Variants in SLC38A11 observed in about 807,000 individuals in gnomAD.
The protein encoded by SLC38A11 is putative sodium-coupled neutral amino acid transporter 11.
A neutral mutation model predicts 49.4 loss-of-function variants in SLC38A11; 51 were observed. That is an observed-to-expected ratio of 1.03 (90% confidence interval 0.83 to 1.30). The LOEUF (loss-of-function observed/expected upper bound fraction) is 1.30. SLC38A11 is among the 50% of genes most tolerant of loss of function. The pLI is 0.00. For synonymous variants in SLC38A11, 203 were observed against 192.9 expected (o/e 1.05, Z -0.43); for missense variants, 574 against 556.2 (o/e 1.03, Z -0.32).
intron 2 of SLC38A11, chr2:164,953,019 A>G: frequency 2.3e-6 from 1 of 425,734 alleles, no homozygotes; most frequent in Non-Finnish European, 4.1e-6. Context: ...AGGTGACGGA[A>G]TAAGAATTAG....
At chr2:164,937,206 A>G (rs1187052036) in intron 7 of SLC38A11, 144 bp downstream of exon 7, 3 of 600,202 alleles carry the variant, frequency 5.0e-6, no homozygotes, top group Non-Finnish European at 8.7e-6. Flanking sequence ...CTGACCTGTA[A>G]TTATTTTACC....
chr2:164,945,869 C>T, intron 3 of SLC38A11, 142 bp from the exon 4 acceptor site: 1 of 861,224 alleles, frequency 1.2e-6, no homozygotes, highest in South Asian at 1.8e-5. Context: ...GCCAGGCTAA[C>T]TTTCTTTTCA....
Position 164,898,634 on chromosome 2 carries a change from A to C in SLC38A11, c.1192T>G (p.Ser398Ala), listed in dbSNP as rs1279968634. The C allele has an allele frequency of 2.5e-6, 4 of 1,613,476 alleles. No individual in the cohort carries two copies. The highest frequency in any genetic ancestry group is 3.4e-6 in the Non-Finnish European group (4 of 1,179,718). The change falls in exon 12 of 12, where the codon TCT (serine) becomes GCT (alanine). Residue 398 changes from serine (S) to alanine (A), a missense_variant. Coordinates refer to ENST00000685975, the MANE Select transcript of SLC38A11 (RefSeq NM_001351537.2). ...EPRTHSDKIM[S>A]CVMLPIGAVV... ...GCACCAATGGGAAGCATGACACAAG[A>C]CATAATCTTATCGGAGTGTGTCCTT...
intron 11 of SLC38A11, among the ~76,000 whole-genome samples, chr2:164,904,603 T>C (rs1046981527): frequency 6.6e-6 from 1 of 152,168 alleles, no homozygotes; most frequent in Non-Finnish European, 1.5e-5. Flanking sequence ...CCTAAAGTAC[T>C]AAAATTGTTA....
chr2:164,922,490 A>G (rs2105473706), intron 7 of SLC38A11, among the ~76,000 whole-genome samples: 1 of 152,290 alleles, frequency 6.6e-6, no homozygotes, highest in East Asian at 1.9e-4. Context: ...TGTTCTATAG[A>G]CAAAACCTTG....
At chr2:164,942,460 G>A in intron 5 of SLC38A11, among the ~76,000 whole-genome samples, 1 of 148,190 alleles carries the variant, frequency 6.7e-6, no homozygotes, top group Non-Finnish European at 1.5e-5. Flanking sequence ...AAAACAGAGA[G>A]AAAAGAGAGA....
intron 2 of SLC38A11, among the ~76,000 whole-genome samples, chr2:164,953,661 G>A (rs1688667621): frequency 6.6e-6 from 1 of 151,846 alleles, no homozygotes; most frequent in Admixed American, 6.6e-5. Context: ...ACTATCCATA[G>A]AAAAATGTAA....
At chr2:164,949,054 C>T (rs1295841944) in intron 3 of SLC38A11, among the ~76,000 whole-genome samples, 3 of 150,556 alleles carry the variant, frequency 2.0e-5, no homozygotes, top group African/African-American at 4.9e-5. Context: ...TTCTGCTTGA[C>T]ACACTATATT....
chr2:164,943,819 C>A (rs1458476106), intron 5 of SLC38A11, among the ~76,000 whole-genome samples: 1 of 152,082 alleles, frequency 6.6e-6, no homozygotes, highest in Non-Finnish European at 1.5e-5. Flanking sequence ...GCTTATATGA[C>A]TATATGCCTT....
intron 11 of SLC38A11, among the ~76,000 whole-genome samples, chr2:164,901,829 A>G (rs1215444159): frequency 2.0e-5 from 3 of 151,946 alleles, no homozygotes; most frequent in East Asian, 3.9e-4. Context: ...CTTACCTTTT[A>G]TTGGATCTTA....
chr2:164,927,089 A>G (rs1686654346), intron 7 of SLC38A11, among the ~76,000 whole-genome samples: 1 of 152,176 alleles, frequency 6.6e-6, no homozygotes, highest in East Asian at 1.9e-4. Context: ...AGATGAGATT[A>G]GCACCCTTAT....
intron 7 of SLC38A11, among the ~76,000 whole-genome samples, chr2:164,936,661 T>C (rs1687392940): frequency 6.6e-6 from 1 of 152,172 alleles, no homozygotes; most frequent in Admixed American, 6.6e-5. Context: ...GGTTTCATTC[T>C]AGCATTTTCT....
At chr2:164,925,159 T>G (rs1686482467) in intron 7 of SLC38A11, among the ~76,000 whole-genome samples, 1 of 152,218 alleles carries the variant, frequency 6.6e-6, no homozygotes, top group South Asian at 2.1e-4. Context: ...TTTTAATTCT[T>G]ATTCTGTCAC....
At chr2:164,928,281 C>A (rs1295292383) in intron 7 of SLC38A11, among the ~76,000 whole-genome samples, 3 of 152,118 alleles carry the variant, frequency 2.0e-5, no homozygotes, top group African/African-American at 7.2e-5. Context: ...CAAATTTTAC[C>A]AGCATGAAAG....
At position 164,898,446 on chromosome 2, in the gene SLC38A11, G is replaced by T; in HGVS notation, c.1380C>A (p.Ile460=). ...TTTTAAAGCAGTCAACTCATTGAAA[G>T]ATACTAATATTTAAAGTAGAAAGTT... The part of the protein sequence containing the change: ...TTQLSTLNIS[I]FQ Residue 460 remains isoleucine (I), a synonymous_variant, in exon 12 of 12, where the codon ATC becomes ATA. Transcript: ENST00000685975. 6.2e-7 allele frequency: 1 copy of T among 1,607,822 alleles called. No homozygotes were observed. Among genetic ancestry groups the T allele is most frequent in the South Asian group, 1.1e-5 (1 of 90,830 alleles).
intron 9 of SLC38A11, 51 bp from the exon 10 acceptor site, chr2:164,911,799 A>T (rs1240472523): frequency 2.0e-6 from 2 of 989,644 alleles, no homozygotes; most frequent in African/African-American, 1.7e-5. Context: ...AATGTTTGAG[A>T]TAACTATCTA....
Position 164,908,660 on chromosome 2 carries a change from C to T in SLC38A11, c.1075G>A (p.Gly359Arg), listed in dbSNP as rs374932651. Reference sequence around the variant, plus strand: ...CTCACATTGAGTTCTAGAACTATCCCGAGGCAATCAATCAGCAATGACACA... The same window carrying T: ...CTCACATTGAGTTCTAGAACTATCCTGAGGCAATCAATCAGCAATGACACA... ...TLVSLLIDCLGIVLELNGVLC... is the reference protein window; with the variant it reads ...TLVSLLIDCLRIVLELNGVLC... The change falls in exon 11 of 12, where the codon GGG becomes AGG. Residue 359 changes from glycine to arginine, a missense_variant. Transcript: ENST00000685975. 49 of 1,601,198 alleles carry T rather than the reference C, an allele frequency of 3.1e-5. No homozygotes were observed. Among genetic ancestry groups the T allele is most frequent in the East Asian group, 4.5e-5 (2 of 44,370 alleles).
At chr2:164,941,918 G>C (rs1477288204) in intron 5 of SLC38A11, among the ~76,000 whole-genome samples, 1 of 151,966 alleles carries the variant, frequency 6.6e-6, no homozygotes. Flanking sequence ...GAAATTACAT[G>C]TATTCTTAAA....
Position 164,947,117 on chromosome 2 carries a change from C to CTTTTTTTTTTTTTTTTTTTTT in SLC38A11, c.230-1411_230-1391dup, listed in dbSNP as rs200284770. ...CCTGGATTCTTGGACTTTTTTATCT[C>CTTTTTTTTTTTTTTTTTTTTT]TTTTTTTTTTTTTTTTTTTTTTTTT... On this transcript the variant is annotated intron_variant, in intron 3 of 11. Coordinates refer to ENST00000685975, the MANE Select transcript of SLC38A11 (RefSeq NM_001351537.2). Among the ~76,000 whole-genome samples the CTTTTTTTTTTTTTTTTTTTTT allele has an allele frequency of 2.3e-4, 17 of 72,910 alleles. 2 individuals carry two copies. Among genetic ancestry groups the CTTTTTTTTTTTTTTTTTTTTT allele is most frequent in the African/African-American group, 1.2e-3 (15 of 12,990 alleles). The allele number at this position is 72,910 out of a possible 152,430, so 47.8% of individuals were successfully genotyped here.
Sources: gnomAD v4.1 joint callset for allele counts (sites outside exome capture counted in the v4.1 genomes callset) on GRCh38, gnomAD v4.1.1 for gene constraint, MANE v1.5 for transcripts, NCBI Gene and HGNC (gene_info 2026-07-23, HGNC 2026-07-21) for gene names.